The following IQCE variants were observed in gnomAD, a reference collection of about 807,000 sequenced individuals.
IQCE encodes IQ domain-containing protein E.
Under a neutral mutation model 96.0 loss-of-function variants are expected in IQCE, and 115 were observed. That is an observed-to-expected ratio of 1.20 (90% CI 1.03 to 1.40). The LOEUF is 1.40. Ranked by LOEUF, IQCE falls within the 40% of genes most tolerant of loss-of-function variation. The pLI is 0.00. For missense variants in IQCE, 1,041 were observed against 909.1 expected (o/e 1.15, Z -1.87); for synonymous variants, 412 against 371.2 (o/e 1.11, Z -1.26).
intron 18 of IQCE, among the ~76,000 whole-genome samples, chr7:2,602,422 T>C (rs762140878): frequency 6.6e-6 from 1 of 152,162 alleles, no homozygotes; most frequent in Non-Finnish European, 1.5e-5. Context: ...CCCTCTCCTC[T>C]AGGGCCCCTT....
At chr7:2,572,416 A>G in intron 5 of IQCE, 90 bp downstream of exon 5, 2 of 1,396,842 alleles carry the variant, frequency 1.4e-6, no homozygotes, top group Admixed American at 2.4e-5. Context: ...TCGTCAGAGC[A>G]GGATTTCTGG....
chr7:2,593,478 G>T (rs575685561), intron 15 of IQCE, among the ~76,000 whole-genome samples: 5 of 152,378 alleles, frequency 3.3e-5, no homozygotes, highest in African/African-American at 1.2e-4. Flanking sequence ...TGCCATTCGC[G>T]AGAGCCAGGA....
At chr7:2,572,024 TA>T (rs1781788242) in intron 4 of IQCE, among the ~76,000 whole-genome samples, 167 bp from the exon 5 acceptor site, 1 of 152,212 alleles carries the variant, frequency 6.6e-6, no homozygotes, top group Non-Finnish European at 1.5e-5. Context: ...AGGACTGTAT[TA>T]ATTGATATTT....
Position 2,584,983 on chromosome 7 carries a change from C to T in IQCE, c.824+698C>T, listed in dbSNP as rs557711203. ...TTATAAAGTCTCCATGAACATAGAA[C>T]GAGCGAATACTAAACCACTGCTCCA... On this transcript the variant is annotated intron_variant, in intron 11 of 21. Coordinates refer to ENST00000402050, the MANE Select transcript of IQCE (RefSeq NM_152558.5). Among the ~76,000 whole-genome samples, 10 of 151,990 alleles carry T rather than the reference C, an allele frequency of 6.6e-5. No individual in the cohort carries two copies. In the South Asian group the frequency reaches 1.9e-3, roughly 28 times the overall value.
chr7:2,603,963 G>A (rs1344604311), intron 18 of IQCE, among the ~76,000 whole-genome samples: 1 of 148,790 alleles, frequency 6.7e-6, no homozygotes, highest in Admixed American at 6.8e-5. Context: ...AAAATGGAGT[G>A]TGAACTTCTT....
At chr7:2,593,664 G>A (rs534402055) in intron 15 of IQCE, among the ~76,000 whole-genome samples, 28 of 152,342 alleles carry the variant, frequency 1.8e-4, no homozygotes, top group Admixed American at 8.5e-4. Flanking sequence ...GATTCCTTGC[G>A]CAGGAAATGT....
chr7:2,601,920 A>G (rs192730864), intron 18 of IQCE: 1 of 161,376 alleles, frequency 6.2e-6, no homozygotes, highest in Non-Finnish European at 1.3e-5. Flanking sequence ...TAGAGACATC[A>G]AATAAATATT....
chr7:2,563,375 T>TTGTGTGTGTGTGTGTGTG (rs143397539), intron 1 of IQCE, among the ~76,000 whole-genome samples: 6 of 135,682 alleles, frequency 4.4e-5, no homozygotes, highest in South Asian at 2.7e-4. Flanking sequence ...TAATTTTTTG[T>TTGTGTGTGTGTGTGTGTG]TGTGTGTGTG....
chr7:2,605,068 T>C (rs2128472149), intron 19 of IQCE, 77 bp downstream of exon 19: 1 of 1,051,664 alleles, frequency 9.5e-7, no homozygotes, highest in Non-Finnish European at 1.4e-6. Flanking sequence ...CGAGAAAGCG[T>C]AGGGCACCCC....
chr7:2,605,899 G>C lies in IQCE; in HGVS notation c.1767G>C (p.Pro589=). The change falls in exon 20 of 22, where the codon CCG becomes CCC. Residue 589 remains proline, a synonymous_variant. Transcript: ENST00000402050. The part of the protein sequence containing the change: ...PDQSSPVPRV[P]SPIAQATGSP... ...AGAGCTCTCCTGTGCCCCGCGTTCC[G>C]AGCCCCATCGCCCAGGCCACGGGCA... is the stretch of plus-strand genomic sequence containing the variant. 4 of 1,606,420 alleles carry C rather than the reference G, an allele frequency of 2.5e-6. No individual in the cohort carries two copies. The highest frequency in any genetic ancestry group is 3.4e-6 in the Non-Finnish European group (4 of 1,177,274).
chr7:2,570,188 G>T (rs1405615329), intron 3 of IQCE, among the ~76,000 whole-genome samples: 1 of 152,128 alleles, frequency 6.6e-6, no homozygotes, highest in Admixed American at 6.5e-5. Flanking sequence ...GGGCGAGGCA[G>T]GCGATGATGT....
At chr7:2,561,531 C>T (rs1396986309) in intron 1 of IQCE, among the ~76,000 whole-genome samples, 5 of 151,942 alleles carry the variant, frequency 3.3e-5, no homozygotes, top group Admixed American at 1.3e-4. Context: ...TAGCATTCTC[C>T]TGCCTCAGCC....
At chr7:2,599,429 C>T (rs1784284438) in intron 17 of IQCE, among the ~76,000 whole-genome samples, 1 of 152,120 alleles carries the variant, frequency 6.6e-6, no homozygotes, top group Non-Finnish European at 1.5e-5. Flanking sequence ...CTCCTGGCCT[C>T]AGGTGATCCA....
intron 18 of IQCE, chr7:2,601,949 C>G (rs187578700): frequency 1.1e-4 from 18 of 163,074 alleles, no homozygotes; most frequent in Non-Finnish European, 5.3e-5. Flanking sequence ...TTCCCACTTT[C>G]AAAATCTCTT....
At position 2,582,588 on chromosome 7, in the gene IQCE, C is replaced by T. The variant is rs748619381; in HGVS notation, c.639C>T (p.Asn213=). The T allele has an allele frequency of 1.1e-5, 18 of 1,613,882 alleles. 1 individual carries two copies. Among genetic ancestry groups the T allele is most frequent in the South Asian group, 4.4e-5 (4 of 91,058 alleles). Residue 213 remains asparagine, a synonymous_variant, in exon 9 of 22, where the codon AAC becomes AAT. Coordinates refer to ENST00000402050, the MANE Select transcript of IQCE (RefSeq NM_152558.5). ...EKRPDASWVI[N]GLKQRILKLE... is the part of the protein sequence containing the mutation. ...GCACGTTCCCCGGGCAGGTCATTAA[C>T]GGGCTGAAGCAGAGGATCCTGAAGC...
chr7:2,606,627 C>T (rs1356722111), intron 20 of IQCE, among the ~76,000 whole-genome samples: 4 of 151,656 alleles, frequency 2.6e-5, no homozygotes, highest in Admixed American at 6.6e-5. Flanking sequence ...TGGAGCCGCG[C>T]GGCCACCCAG....
intron 1 of IQCE, 129 bp downstream of exon 1, chr7:2,559,346 G>A: frequency 2.4e-6 from 1 of 412,798 alleles, no homozygotes; most frequent in Non-Finnish European, 3.9e-6. Flanking sequence ...ACGGCCGGGT[G>A]ACAGCTGCCA....
At chr7:2,589,386 A>C (rs12700120) in intron 13 of IQCE, among the ~76,000 whole-genome samples, 58,867 of 151,882 alleles carry the variant, frequency 0.39, 11,711 homozygotes, top group Non-Finnish European at 0.44. Context: ...AGGTTCTATA[A>C]ATTGTGGGCA....
chr7:2,595,353 C>T (rs1412130250), intron 16 of IQCE, among the ~76,000 whole-genome samples: 3 of 152,148 alleles, frequency 2.0e-5, no homozygotes, highest in Non-Finnish European at 2.9e-5. Flanking sequence ...GCGTCCTCTC[C>T]TCTCATCTAA....
Sources: allele counts gnomAD v4.1 joint callset (sites outside exome capture counted in the v4.1 genomes callset), GRCh38; gene constraint gnomAD v4.1.1; transcripts MANE v1.5; gene names NCBI Gene and HGNC (gene_info 2026-07-23, HGNC 2026-07-21).